TESC: variants seen among roughly 807,000 people sequenced by gnomAD.
The protein encoded by TESC is calcineurin B homologous protein 3.
TESC carries 19 observed loss-of-function variants against 31.0 expected under a neutral mutation model. The observed-to-expected ratio is 0.61, with a 90% CI of 0.43 to 0.90. The LOEUF is 0.90. TESC is among the 40% of genes least tolerant of loss of function. The probability of loss-of-function intolerance (pLI) is 0.00; values close to 1 mark genes in which losing one functional copy is unlikely to be tolerated. For missense variants in TESC, 248 were observed against 303.8 expected (o/e 0.82, Z 1.36); for synonymous variants, 109 against 114.8 (o/e 0.95, Z 0.32).
intron 3 of TESC, among the ~76,000 whole-genome samples, chr12:117,050,969 C>A (rs759075163): frequency 6.6e-6 from 1 of 152,202 alleles, no homozygotes; most frequent in African/African-American, 2.4e-5. Context: ...CAAACCCAAG[C>A]TCCTGACCCA....
chr12:117,097,013 A>G (rs1955405270), intron 1 of TESC, among the ~76,000 whole-genome samples: 1 of 152,196 alleles, frequency 6.6e-6, no homozygotes, highest in Non-Finnish European at 1.5e-5. Context: ...CCTCGTTCAC[A>G]GTTTAACACC....
At chr12:117,086,211 C>T (rs985511801) in intron 1 of TESC, among the ~76,000 whole-genome samples, 22 of 151,790 alleles carry the variant, frequency 1.4e-4, no homozygotes, top group Admixed American at 9.8e-4. Flanking sequence ...GAAATAGATA[C>T]GGTGATGTTT....
At chr12:117,077,793 GT>G (rs1955093472) in intron 1 of TESC, among the ~76,000 whole-genome samples, 1 of 152,190 alleles carries the variant, frequency 6.6e-6, no homozygotes, top group African/African-American at 2.4e-5. Context: ...ATGAGGAGGA[GT>G]AACTTGAATG....
At chr12:117,079,882 G>A (rs1378035994) in intron 1 of TESC, among the ~76,000 whole-genome samples, 6 of 152,204 alleles carry the variant, frequency 3.9e-5, no homozygotes, top group Non-Finnish European at 8.8e-5. Flanking sequence ...ATCTCATGGT[G>A]TGTGAATTAT....
chr12:117,087,681 A>G (rs1290577028), intron 1 of TESC, among the ~76,000 whole-genome samples: 1 of 152,180 alleles, frequency 6.6e-6, no homozygotes, highest in Non-Finnish European at 1.5e-5. Flanking sequence ...AGTAATAATA[A>G]CCACCATGTG....
At chr12:117,097,592 G>C (rs1447413958) in intron 1 of TESC, among the ~76,000 whole-genome samples, 1 of 152,184 alleles carries the variant, frequency 6.6e-6, no homozygotes, top group African/African-American at 2.4e-5. Context: ...GCAAGTAAGA[G>C]CTAGAGGAAT....
At chr12:117,076,971 G>T (rs1484804165) in intron 1 of TESC, among the ~76,000 whole-genome samples, 1 of 152,160 alleles carries the variant, frequency 6.6e-6, no homozygotes, top group South Asian at 2.1e-4. Flanking sequence ...TCCAAAACAC[G>T]GGCTGGACTG....
chr12:117,062,539 T>C (rs917620241), intron 2 of TESC, among the ~76,000 whole-genome samples: 3 of 152,120 alleles, frequency 2.0e-5, no homozygotes, highest in Admixed American at 6.5e-5. Flanking sequence ...ATTTTAAAGA[T>C]GAGGAAACTG....
intron 1 of TESC, chr12:117,084,063 C>T (rs929831398): frequency 6.9e-6 from 1 of 144,400 alleles, no homozygotes; most frequent in African/African-American, 2.6e-5. Flanking sequence ...CACTGAACTC[C>T]AGCCTGGGTG....
chr12:117,087,835 T>A (rs532062054), intron 1 of TESC, among the ~76,000 whole-genome samples: 1 of 152,162 alleles, frequency 6.6e-6, no homozygotes, highest in African/African-American at 2.4e-5. Context: ...AGAGCGAGAC[T>A]CTGTCTCAAT....
intron 2 of TESC, among the ~76,000 whole-genome samples, chr12:117,073,933 CAATT>C (rs1955014779): frequency 6.6e-6 from 1 of 150,846 alleles, no homozygotes. Flanking sequence ...AAATACAAAA[CAATT>C]AACAGGTCTG....
intron 1 of TESC, among the ~76,000 whole-genome samples, chr12:117,094,428 GT>G (rs1955363590): frequency 6.6e-6 from 1 of 152,172 alleles, no homozygotes; most frequent in Non-Finnish European, 1.5e-5. Context: ...GAGTTTTAAA[GT>G]CCCCAGGGAC....
At chr12:117,041,841 A>G in intron 7 of TESC, 106 bp downstream of exon 7, 1 of 1,188,504 alleles carries the variant, frequency 8.4e-7, no homozygotes, top group Non-Finnish European at 1.2e-6. Context: ...TCACCCAGGA[A>G]GCCTGTCCCT....
At position 117,058,586 on chromosome 12, in the gene TESC, C is replaced by T. The variant is rs1180088069; in HGVS notation, c.129-1700G>A. 2.8e-5 allele frequency among the ~76,000 whole-genome samples: 3 copies of T among 105,658 alleles called. No homozygotes were observed. In the East Asian group the frequency reaches 7.6e-4, roughly 27 times the overall value. The allele number at this position is 105,658 out of a possible 152,430, so 69.3% of individuals were successfully genotyped here. A position where few individuals can be genotyped will look rare whatever the true frequency, so the allele number is the denominator to read the frequency against. ...CTGTTAAAAAAAAAAAAAAAAAAAG[C>T]CAGCCAGGTGTGATGGCATGCGCCT... On this transcript the variant is annotated intron_variant, in intron 2 of 7. Coordinates refer to ENST00000335209, the MANE Select transcript of TESC (RefSeq NM_017899.4).
chr12:117,039,237 G>A, intron 7 of TESC, 27 bp from the exon 8 acceptor site: 1 of 1,599,554 alleles, frequency 6.3e-7, no homozygotes, highest in South Asian at 1.1e-5. Flanking sequence ...AGCGTTAAGG[G>A]CACGTTCCCG....
At chr12:117,064,594 G>A (rs181683445) in intron 2 of TESC, among the ~76,000 whole-genome samples, 16 of 152,350 alleles carry the variant, frequency 1.1e-4, no homozygotes, top group Admixed American at 2.6e-4. Context: ...AGACAGACAC[G>A]ATCCCTTACG....
Position 117,059,685 on chromosome 12 carries a change from C to T in TESC, c.129-2799G>A, listed in dbSNP as rs547987693. 1.2e-4 allele frequency among the ~76,000 whole-genome samples: 19 copies of T among 152,170 alleles called. No individual in the cohort carries two copies. In the East Asian group the frequency reaches 1.9e-3, roughly 15 times the overall value. On this transcript the variant is annotated intron_variant, in intron 2 of 7. Transcript: ENST00000335209. ...GATCTCGGCTGCAATCTCCGCCTCCCGGGTTCAAGTGATTCTCCTGCCTCA... is the reference window on the plus strand; with the variant it reads ...GATCTCGGCTGCAATCTCCGCCTCCTGGGTTCAAGTGATTCTCCTGCCTCA...
intron 3 of TESC, among the ~76,000 whole-genome samples, chr12:117,053,719 C>T (rs1025330743): frequency 1.3e-5 from 2 of 152,160 alleles, no homozygotes; most frequent in African/African-American, 4.8e-5. Flanking sequence ...AACGTGCACA[C>T]ATGCTCCCTC....
rs1408826705 is a variant in TESC, at chr12:117,046,647, G to A, written c.431C>T (p.Ser144Leu). 21 of 1,552,022 alleles carry A rather than the reference G, an allele frequency of 1.4e-5. No individual in the cohort carries two copies. Among genetic ancestry groups the A allele is most frequent in the Non-Finnish European group, 1.7e-5 (19 of 1,147,174 alleles). Residue 144 changes from serine (S) to leucine (L), a missense_variant, in exon 6 of 8, where the codon TCG becomes TTG. By Grantham distance (145) the Ser-to-Leu change is moderately radical. Coordinates refer to ENST00000335209, the MANE Select transcript of TESC (RefSeq NM_017899.4). ...EYRNVVEELL[S>L]GNPHIEKESA... ...CTCCTTCTCGATGTGAGGGTTTCCC[G>A]ACAGCAGCTCCTCGACCACCTGCCA... is the stretch of plus-strand genomic sequence containing the variant.
Sources: gnomAD v4.1 joint callset for allele counts (sites outside exome capture counted in the v4.1 genomes callset) on GRCh38, gnomAD v4.1.1 for gene constraint, MANE v1.5 for transcripts, NCBI Gene and HGNC (gene_info 2026-07-23, HGNC 2026-07-21) for gene names.